Variants in SORCS3 observed in about 807,000 individuals in gnomAD.
The protein encoded by SORCS3 is sortilin related VPS10 domain containing receptor 3.
A neutral mutation model predicts 146.3 loss-of-function variants in SORCS3; 57 were observed. That is an observed-to-expected ratio of 0.39 (90% CI 0.31 to 0.49). The LOEUF is 0.49. SORCS3 is among the 20% of genes least tolerant of loss of function. The pLI, the probability that SORCS3 is intolerant of heterozygous loss-of-function variation, is 0.92. For synonymous variants in SORCS3, 653 were observed against 618.5 expected, an observed-to-expected ratio of 1.06 and a Z score of -0.83; for missense variants, 1,341 against 1,575.5, an observed-to-expected ratio of 0.85 and a Z score of 2.52.
intron 4 of SORCS3, among the ~76,000 whole-genome samples, chr10:105,030,467 G>C (rs1414631354): frequency 6.6e-6 from 1 of 152,138 alleles, no homozygotes; most frequent in Non-Finnish European, 1.5e-5. Flanking sequence ...AAGTGTCCAA[G>C]GCTCCTGCAC....
intron 16 of SORCS3, among the ~76,000 whole-genome samples, chr10:105,210,396 A>G (rs1249023105): frequency 3.3e-5 from 5 of 152,184 alleles, no homozygotes; most frequent in African/African-American, 1.2e-4. Context: ...TACAAGAGCA[A>G]TAATACCTTC....
chr10:105,020,719 C>G (rs2055193044), intron 4 of SORCS3, among the ~76,000 whole-genome samples: 1 of 152,076 alleles, frequency 6.6e-6, no homozygotes, highest in Admixed American at 6.6e-5. Flanking sequence ...AATTCTGTAC[C>G]AATTAATCAA....
chr10:105,051,498 T>G (rs1421331659), intron 5 of SORCS3, among the ~76,000 whole-genome samples: 1 of 152,164 alleles, frequency 6.6e-6, no homozygotes. Flanking sequence ...CTTTTGACCC[T>G]GGACCATGGT....
At chr10:105,051,761 T>G (rs2055415009) in intron 5 of SORCS3, among the ~76,000 whole-genome samples, 1 of 152,186 alleles carries the variant, frequency 6.6e-6, no homozygotes, top group Non-Finnish European at 1.5e-5. Flanking sequence ...GATCAGATTT[T>G]AAGGCTATTG....
rs145533974 is a variant in SORCS3 at position 105,041,301 on chromosome 10, T to G, written c.955-1754T>G. 8.1e-5 allele frequency among the ~76,000 whole-genome samples: 12 copies of G among 148,782 alleles called. No homozygotes were observed. In the East Asian group the frequency reaches 2.4e-3, roughly 29 times the overall value. On this transcript the variant is annotated intron_variant, in intron 4 of 26. Coordinates refer to ENST00000369701, the MANE Select transcript of SORCS3 (RefSeq NM_014978.3). ...TGGGAAGAGGTCCTCTTCCCCACAC[T>G]TTTCCCAACAAATTGTTTTATAACC...
In SORCS3 at chr10:104,838,344, CT is replaced by C. The variant is rs201724355; in HGVS notation, c.628-4445del. The stretch of plus-strand genomic sequence containing the variant: ...TTGTTAGGTGGGTTTATTGCATCTA[CT>C]TTCAATGTTCTTCCCTGGAAATTCA... On this transcript the variant is annotated intron_variant, in intron 1 of 26. Transcript: ENST00000369701. Among the ~76,000 whole-genome samples, 599 of 152,228 alleles carry C rather than the reference CT, an allele frequency of 3.9e-3. 5 individuals are homozygous for C. Among genetic ancestry groups the C allele is most frequent in the African/African-American group, 0.014 (570 of 41,522 alleles).
intron 1 of SORCS3, among the ~76,000 whole-genome samples, chr10:104,836,405 G>T (rs2018068254): frequency 6.6e-6 from 1 of 152,204 alleles, no homozygotes; most frequent in South Asian, 2.1e-4. Context: ...ATGAATGAAA[G>T]AAGTGAGGAA....
chr10:105,029,533 T>A (rs10509781), intron 4 of SORCS3, among the ~76,000 whole-genome samples: 1 of 152,192 alleles, frequency 6.6e-6, no homozygotes, highest in African/African-American at 2.4e-5. Flanking sequence ...CTGTGCTTTT[T>A]GCTGTCTAAT....
intron 1 of SORCS3, among the ~76,000 whole-genome samples, chr10:104,824,651 A>G (rs1249244873): frequency 2.0e-5 from 3 of 152,190 alleles, no homozygotes; most frequent in Non-Finnish European, 4.4e-5. Context: ...TATAACTGCA[A>G]ATAAAACAGA....
At chr10:104,950,974 A>C (rs1454622258) in intron 3 of SORCS3, among the ~76,000 whole-genome samples, 1 of 152,228 alleles carries the variant, frequency 6.6e-6, no homozygotes, top group African/African-American at 2.4e-5. Flanking sequence ...GTTGTTTTGA[A>C]GTAAGGCTAC....
intron 17 of SORCS3, among the ~76,000 whole-genome samples, chr10:105,214,100 T>G (rs2056650607): frequency 6.6e-6 from 1 of 152,154 alleles, no homozygotes; most frequent in Non-Finnish European, 1.5e-5. Flanking sequence ...CTTTTCCCAT[T>G]TCCTGAGTCC....
chr10:105,162,770 A>G (rs1322978364), intron 11 of SORCS3, among the ~76,000 whole-genome samples: 1 of 152,166 alleles, frequency 6.6e-6, no homozygotes, highest in Non-Finnish European at 1.5e-5. Flanking sequence ...GTGAGGGATG[A>G]TAAGCTAGAT....
chr10:104,875,728 A>G (rs986231795), intron 2 of SORCS3, among the ~76,000 whole-genome samples: 1 of 152,116 alleles, frequency 6.6e-6, no homozygotes, highest in Admixed American at 6.5e-5. Context: ...AAAAAAATAG[A>G]TGGTCTCATG....
intron 1 of SORCS3, among the ~76,000 whole-genome samples, chr10:104,768,398 A>G (rs1395796796): frequency 2.0e-5 from 3 of 152,256 alleles, no homozygotes; most frequent in African/African-American, 7.2e-5. Context: ...AGAGTTTGTT[A>G]TACTGAAAAA....
At chr10:105,116,815 G>A (rs1034486007) in intron 7 of SORCS3, among the ~76,000 whole-genome samples, 4 of 152,142 alleles carry the variant, frequency 2.6e-5, no homozygotes, top group African/African-American at 9.7e-5. Flanking sequence ...GTTCTCACTT[G>A]TAAGTGGGAG....
intron 3 of SORCS3, among the ~76,000 whole-genome samples, chr10:104,961,676 G>A (rs1025980303): frequency 6.6e-6 from 1 of 152,204 alleles, no homozygotes; most frequent in African/African-American, 2.4e-5. Flanking sequence ...TACTGCATAT[G>A]CAACTGGTAA....
At chr10:104,734,639 A>G (rs2016747693) in intron 1 of SORCS3, among the ~76,000 whole-genome samples, 1 of 152,154 alleles carries the variant, frequency 6.6e-6, no homozygotes. Context: ...CATAGTGAGA[A>G]TGAGTCATGA....
chr10:104,936,278 A>C (rs1368401227), intron 3 of SORCS3, among the ~76,000 whole-genome samples: 1 of 152,204 alleles, frequency 6.6e-6, no homozygotes, highest in Non-Finnish European at 1.5e-5. Flanking sequence ...AAGAAAAAAA[A>C]ATGGCTAACA....
rs1265599722 is a variant in SORCS3, at chr10:105,256,874, A to G, written c.3393A>G (p.Leu1131=). The G allele has an allele frequency of 6.2e-7, 1 of 1,614,190 alleles. No individual in the cohort carries two copies. Among genetic ancestry groups the G allele is most frequent in the Admixed American group, 1.7e-5 (1 of 60,020 alleles). ...GCAGCTCAGCCATGCTTATGCTATT[A>G]TCAGTGGTATTTGTTGGCCTGGCTG... ...GHSSSAMLML[L]SVVFVGLAVF... The change falls in exon 25 of 27, where the codon TTA becomes TTG. Residue 1131 remains leucine (L), a synonymous_variant. Transcript: ENST00000369701.
Sources: gnomAD v4.1 joint callset for allele counts (sites outside exome capture counted in the v4.1 genomes callset) on GRCh38, gnomAD v4.1.1 for gene constraint, MANE v1.5 for transcripts, NCBI Gene and HGNC (gene_info 2026-07-23, HGNC 2026-07-21) for gene names.